LURAP1: variants seen among roughly 807,000 people sequenced by gnomAD.
LURAP1 encodes the protein leucine rich adaptor protein 1.
In LURAP1, 14 loss-of-function variants were observed where a neutral mutation model predicts 19.0. The observed-to-expected ratio is 0.74, with a 90% CI of 0.49 to 1.15. The LOEUF (loss-of-function observed/expected upper bound fraction) is 1.15. Among genes scored for constraint, LURAP1 ranks in the 50% most tolerant of loss-of-function variants. The probability of loss-of-function intolerance (pLI) is 0.00; values close to 1 mark genes in which losing one functional copy is unlikely to be tolerated. For missense variants in LURAP1, 273 were observed against 309.1 expected (o/e 0.88, Z 0.87); for synonymous variants, 129 against 131.8 (o/e 0.98, Z 0.14).
chr1:46,217,584 G>C (rs967233257), intron 1 of LURAP1, among the ~76,000 whole-genome samples: 2 of 152,104 alleles, frequency 1.3e-5, no homozygotes, highest in Admixed American at 1.3e-4. Flanking sequence ...GCCTGGGCGT[G>C]GTGGTTCACG....
chr1:46,214,867 CAAAAAAAAAA>C lies in LURAP1; in HGVS notation c.199-4821_199-4812del, dbSNP rs5773905. Among the ~76,000 whole-genome samples, 81 of 89,530 alleles carry C rather than the reference CAAAAAAAAAA, an allele frequency of 9.0e-4. No individual in the cohort carries two copies. The East Asian group carries it at 0.023, about 25-fold the overall frequency. The allele number at this position is 89,530 out of a possible 152,430, so 58.7% of individuals were successfully genotyped here. On this transcript the variant is annotated intron_variant, in intron 1 of 1. Transcript: ENST00000371980. Reference sequence around the variant, plus strand: ...GGGGGACAAGAGTGAGACTCCATCTCAAAAAAAAAAAAAAAAAAAAGAGGAGTTGATCAAG... The same window carrying C: ...GGGGGACAAGAGTGAGACTCCATCTCAAAAAAAAAAGAGGAGTTGATCAAG...
intron 1 of LURAP1, among the ~76,000 whole-genome samples, chr1:46,217,558 A>G (rs1571692129): frequency 6.6e-6 from 1 of 152,050 alleles, no homozygotes; most frequent in African/African-American, 2.4e-5. Flanking sequence ...GGGGAGTGGG[A>G]TGAAAGTTAA....
At position 46,217,880 on chromosome 1, in the gene LURAP1, G is replaced by A. The variant is rs10047126; in HGVS notation, c.199-1819G>A. On this transcript the variant is annotated intron_variant, in intron 1 of 1. Coordinates refer to ENST00000371980, the MANE Select transcript of LURAP1 (RefSeq NM_001013615.3). ...CTCAAAAAAGAAAAAAGAAAGTTAA[G>A]TCCCTAATCTTATATAGTGTGGGAA... Among the ~76,000 whole-genome samples the A allele has an allele frequency of 8.3e-3, 1,257 of 152,066 alleles. 19 individuals carry two copies. The highest frequency in any genetic ancestry group is 0.037 in the Middle Eastern group (11 of 294).
At chr1:46,205,538 C>T (rs1186769578) in intron 1 of LURAP1, among the ~76,000 whole-genome samples, 3 of 152,216 alleles carry the variant, frequency 2.0e-5, no homozygotes, top group African/African-American at 7.2e-5. Context: ...ATTCTGAACT[C>T]ACATAGGGAG....
At chr1:46,208,182 A>G (rs1049491890) in intron 1 of LURAP1, among the ~76,000 whole-genome samples, 1 of 151,986 alleles carries the variant, frequency 6.6e-6, no homozygotes, top group Non-Finnish European at 1.5e-5. Context: ...TAATAGAGAC[A>G]GGGTCTTGCT....
rs1449229103 is a variant in LURAP1, at chr1:46,219,883, A to G, written c.383A>G (p.Asp128Gly). The G allele has an allele frequency of 1.2e-6, 2 of 1,613,746 alleles. No individual in the cohort carries two copies. Among genetic ancestry groups the G allele is most frequent in the Middle Eastern group, 1.6e-4 (1 of 6,082 alleles). The change falls in exon 2 of 2, where the codon GAC (aspartate) becomes GGC (glycine). Residue 128 changes from aspartate to glycine, a missense_variant. Physicochemically the swap from Asp to Gly is moderately conservative, Grantham distance 94. Coordinates refer to ENST00000371980, the MANE Select transcript of LURAP1 (RefSeq NM_001013615.3). ...GGCCGCTCAAGGCGAGGCAGCTGGGACAGCCTGCCAGACACCAGCACCACC... is the reference window on the plus strand; with the variant it reads ...GGCCGCTCAAGGCGAGGCAGCTGGGGCAGCCTGCCAGACACCAGCACCACC... Reference protein sequence around the residue: ...SPGRSRRGSWDSLPDTSTTDR... With the variant: ...SPGRSRRGSWGSLPDTSTTDR...
chr1:46,205,707 G>A (rs947426161), intron 1 of LURAP1, among the ~76,000 whole-genome samples: 16 of 152,314 alleles, frequency 1.1e-4, no homozygotes, highest in Admixed American at 7.8e-4. Context: ...GGGCACAAGG[G>A]AGGGAGCCTT....
chr1:46,219,654 C>G, intron 1 of LURAP1, 45 bp from the exon 2 acceptor site: 1 of 1,519,836 alleles, frequency 6.6e-7, no homozygotes, highest in African/African-American at 1.4e-5. Context: ...GCTGGGGAAA[C>G]CCATGCCCCA....
intron 1 of LURAP1, among the ~76,000 whole-genome samples, chr1:46,204,197 G>C (rs1016246586): frequency 1.3e-5 from 2 of 152,142 alleles, no homozygotes; most frequent in Non-Finnish European, 2.9e-5. Flanking sequence ...CCATAGCAGG[G>C]ACAGAGAGTA....
At position 46,203,688 on chromosome 1, in the gene LURAP1, C is replaced by A. The variant is rs1658621976; in HGVS notation, c.198+64C>A. On this transcript the variant is annotated intron_variant, in intron 1 of 1. Transcript: ENST00000371980. ...AGTGTAGGGCCGGGAGGGACGAACT[C>A]ATGCTCCCAGAGTTAAGCTGGAGAG... The A allele has an allele frequency of 1.9e-5, 28 of 1,493,484 alleles. No homozygotes were observed. The South Asian group carries it at 3.1e-4, about 17-fold the overall frequency. The allele number at this position is 1,493,484 out of a possible 1,614,324, so 92.5% of individuals were successfully genotyped here.
rs1239507714 is a variant in LURAP1 at position 46,220,575 on chromosome 1, A to G, written c.*355A>G. Reference sequence around the variant, plus strand: ...CTCCCCCATAGTTAGGACCACAGGCATGCACCACCATGCCCAGCTAATTGT... The same window carrying G: ...CTCCCCCATAGTTAGGACCACAGGCGTGCACCACCATGCCCAGCTAATTGT... On this transcript the variant is annotated 3_prime_UTR_variant, in exon 2 of 2. Transcript: ENST00000371980. 6 of 182,582 alleles carry G rather than the reference A, an allele frequency of 3.3e-5. No individual in the cohort carries two copies. The highest frequency in any genetic ancestry group is 4.5e-5 in the Non-Finnish European group (4 of 88,728). 11.3% of individuals were successfully genotyped at this position (182,582 alleles called of 1,614,324 possible).
intron 1 of LURAP1, among the ~76,000 whole-genome samples, chr1:46,213,788 T>C (rs1658976967): frequency 1.3e-5 from 2 of 151,950 alleles, no homozygotes; most frequent in Admixed American, 1.3e-4. Context: ...ACTTGGCTCC[T>C]AGGATACTGA....
In LURAP1 at chr1:46,220,293, C is replaced by G; in HGVS notation, c.*73C>G. On this transcript the variant is annotated 3_prime_UTR_variant, in exon 2 of 2. Transcript: ENST00000371980. ...TGTGGTCTCCCCCAAAATTGATTCT[C>G]CCTCAGTCTGAGACTAGGAAGAGGC... The G allele has an allele frequency of 6.8e-7, 1 of 1,465,266 alleles. No individual in the cohort carries two copies. Among genetic ancestry groups the G allele is most frequent in the Non-Finnish European group, 9.2e-7 (1 of 1,092,842 alleles). 90.8% of individuals were successfully genotyped at this position (1,465,266 alleles called of 1,614,324 possible).
At position 46,220,282 on chromosome 1, in the gene LURAP1, A is replaced by G; in HGVS notation, c.*62A>G. On this transcript the variant is annotated 3_prime_UTR_variant, in exon 2 of 2. Coordinates refer to ENST00000371980, the MANE Select transcript of LURAP1 (RefSeq NM_001013615.3). The stretch of plus-strand genomic sequence containing the variant: ...TATCCATTAGATGTGGTCTCCCCCA[A>G]AATTGATTCTCCCTCAGTCTGAGAC... 2.0e-6 allele frequency: 3 copies of G among 1,496,278 alleles called. No homozygotes were observed. Among genetic ancestry groups the G allele is most frequent in the South Asian group, 1.3e-5 (1 of 75,760 alleles). The allele number at this position is 1,496,278 out of a possible 1,614,324, so 92.7% of individuals were successfully genotyped here. A position where few individuals can be genotyped will look rare whatever the true frequency, so the allele number is the denominator to read the frequency against.
chr1:46,205,135 G>C (rs1658670754), intron 1 of LURAP1, among the ~76,000 whole-genome samples: 1 of 152,184 alleles, frequency 6.6e-6, no homozygotes, highest in Non-Finnish European at 1.5e-5. Context: ...GTGTGTGCCT[G>C]TAGTCCTAGC....
At chr1:46,216,584 C>T (rs1300768387) in intron 1 of LURAP1, among the ~76,000 whole-genome samples, 1 of 152,132 alleles carries the variant, frequency 6.6e-6, no homozygotes, top group South Asian at 2.1e-4. Context: ...TCAAGTGATC[C>T]TCCTCTCTTG....
At chr1:46,208,174 A>G (rs1198305817) in intron 1 of LURAP1, among the ~76,000 whole-genome samples, 1 of 151,842 alleles carries the variant, frequency 6.6e-6, no homozygotes, top group Admixed American at 6.6e-5. Flanking sequence ...TATTTTTTTA[A>G]TAGAGACAGG....
At chr1:46,219,566 A>C in intron 1 of LURAP1, 133 bp from the exon 2 acceptor site, 3 of 959,884 alleles carry the variant, frequency 3.1e-6, no homozygotes, top group Non-Finnish European at 4.6e-6. Context: ...TGAAGCCTAC[A>C]CTGCAAGCCG....
chr1:46,215,401 G>A (rs1001368942), intron 1 of LURAP1, among the ~76,000 whole-genome samples: 26 of 152,220 alleles, frequency 1.7e-4, no homozygotes, highest in African/African-American at 5.1e-4. Context: ...ACTGAAGAAC[G>A]TCAGTTTCCA....
Sources: allele counts gnomAD v4.1 joint callset (sites outside exome capture counted in the v4.1 genomes callset), GRCh38; gene constraint gnomAD v4.1.1; transcripts MANE v1.5; gene names NCBI Gene and HGNC (gene_info 2026-07-23, HGNC 2026-07-21).